MED19: variants seen among roughly 807,000 people sequenced by gnomAD.
MED19 encodes the protein mediator complex subunit 19.
Under a neutral mutation model 19.9 loss-of-function variants are expected in MED19, and 4 were observed. That is an observed-to-expected ratio of 0.20 (90% CI 0.10 to 0.46). The LOEUF is 0.46. MED19 is among the 20% of genes least tolerant of loss of function. The pLI is 0.99. For missense variants in MED19, 303 were observed against 318.7 expected (o/e 0.95, Z 0.38); for synonymous variants, 139 against 119.6 (o/e 1.16, Z -1.06).
At chr11:57,705,896 A>G (rs1946502850) in intron 1 of MED19, among the ~76,000 whole-genome samples, 1 of 152,102 alleles carries the variant, frequency 6.6e-6, no homozygotes, top group African/African-American at 2.4e-5. Flanking sequence ...GAAAAATTAT[A>G]TTCTCTGACA....
intron 1 of MED19, among the ~76,000 whole-genome samples, chr11:57,706,872 T>C (rs969115629): frequency 6.6e-6 from 1 of 152,170 alleles, no homozygotes; most frequent in South Asian, 2.1e-4. Flanking sequence ...CATAATTTTC[T>C]CCCAAGGTTC....
intron 4 of MED19, 76 bp from the exon 5 acceptor site, chr11:57,704,182 G>A: frequency 6.5e-7 from 1 of 1,529,380 alleles, no homozygotes; most frequent in East Asian, 2.4e-5. Context: ...GGAGAAACCT[G>A]CAACCTGCCT....
At chr11:57,708,254 G>C (rs911896666) in intron 1 of MED19, among the ~76,000 whole-genome samples, 11 of 152,074 alleles carry the variant, frequency 7.2e-5, no homozygotes, top group Admixed American at 7.2e-4. Flanking sequence ...GTACTCCTCA[G>C]TTCACAAATC....
Position 57,704,747 on chromosome 11 carries a change from CTGTT to C in MED19, c.539_542del (p.Lys180ArgfsTer112). Reference sequence around the variant, plus strand: ...GGGGGACAGGATCCTGGGTACGGCTCTGTTTGTGCTTGTGCTTATTCTTCTTCTT... The same window carrying C: ...GGGGGACAGGATCCTGGGTACGGCTCTGTGCTTGTGCTTATTCTTCTTCTT... On this transcript the variant is annotated frameshift_variant, in exon 3 of 5. Transcript: ENST00000431606. LOFTEE classifies it high-confidence loss of function. 1 of 1,554,964 alleles carries C rather than the reference CTGTT, an allele frequency of 6.4e-7. No homozygotes were observed. The highest frequency in any genetic ancestry group is 8.7e-7 in the Non-Finnish European group (1 of 1,150,036).
chr11:57,708,460 T>C (rs1946531702), intron 1 of MED19, among the ~76,000 whole-genome samples: 1 of 152,162 alleles, frequency 6.6e-6, no homozygotes, highest in South Asian at 2.1e-4. Context: ...CTTAGGAAAA[T>C]TCTTCCTAAT....
At position 57,703,777 on chromosome 11, in the gene MED19, T is replaced by C. The variant is rs947887; in HGVS notation, c.*261A>G. 6 of 432,930 alleles carry C rather than the reference T, an allele frequency of 1.4e-5. 1 individual carries two copies. The Admixed American group carries it at 2.0e-4, about 14-fold the overall frequency. 26.8% of individuals were successfully genotyped at this position (432,930 alleles called of 1,614,324 possible). The stretch of plus-strand genomic sequence containing the variant: ...AGAACAAGTCCTAAATCAGACAAAT[T>C]GCACAAAAGAGAGAGAAGAAAATTG... On this transcript the variant is annotated 3_prime_UTR_variant, in exon 5 of 5. Transcript: ENST00000431606.
chr11:57,705,447 C>T (rs915726051), intron 1 of MED19, among the ~76,000 whole-genome samples: 2 of 151,948 alleles, frequency 1.3e-5, no homozygotes, highest in African/African-American at 4.8e-5. Context: ...GTCAGGAGAT[C>T]GAGACCATCC....
chr11:57,705,897 TTC>T (rs1946502918), intron 1 of MED19, among the ~76,000 whole-genome samples: 1 of 152,144 alleles, frequency 6.6e-6, no homozygotes, highest in Non-Finnish European at 1.5e-5. Context: ...AAAAATTATA[TTC>T]TCTGACACAG....
At chr11:57,706,224 T>G (rs1208682221) in intron 1 of MED19, among the ~76,000 whole-genome samples, 3 of 152,098 alleles carry the variant, frequency 2.0e-5, no homozygotes, top group African/African-American at 7.2e-5. Flanking sequence ...CTTGGCTCAC[T>G]GCAACCTCCG....
exon 2 of MED19, chr11:57,705,090 A>C (rs758500862): frequency 6.2e-7 from 1 of 1,614,204 alleles, no homozygotes; most frequent in Non-Finnish European, 8.5e-7. Context: ...CATGGGAACC[A>C]GGCAGATCAA....
chr11:57,704,405 G>A lies in MED19; in HGVS notation c.572-9C>T, dbSNP rs924989184. ...TGAATCAGATGGTGTTTCTGTAGGA[G>A]ACATTAGGTACCTATCACCTGTAAA... On this transcript the variant is annotated splice_polypyrimidine_tract_variant and intron_variant, in intron 3 of 4. Transcript: ENST00000431606. 3 of 1,537,648 alleles carry A rather than the reference G, an allele frequency of 2.0e-6. No individual in the cohort carries two copies. The African/African-American group carries it at 4.1e-5, about 21-fold the overall frequency.
chr11:57,705,545 T>G (rs1946499615), intron 1 of MED19, among the ~76,000 whole-genome samples: 1 of 151,156 alleles, frequency 6.6e-6, no homozygotes. Context: ...TCCCAACTAC[T>G]CAGGAGGCTG....
At chr11:57,710,517 C>T (rs1209542951) in intron 1 of MED19, among the ~76,000 whole-genome samples, 5 of 152,092 alleles carry the variant, frequency 3.3e-5, no homozygotes, top group Admixed American at 6.6e-5. Context: ...ATTTTCTGTC[C>T]CTCAGATATT....
At chr11:57,710,813 A>G (rs1203641554) in intron 1 of MED19, among the ~76,000 whole-genome samples, 1 of 151,846 alleles carries the variant, frequency 6.6e-6, no homozygotes, top group Non-Finnish European at 1.5e-5. Flanking sequence ...CTCCTCCCTT[A>G]GCCTCCTGAG....
Position 57,711,415 on chromosome 11 carries a change from C to A in MED19, c.217+548G>T, listed in dbSNP as rs1045922521. On this transcript the variant is annotated intron_variant, in intron 1 of 4. Transcript: ENST00000431606. ...TCGCCCAGGCTGGAGTGCAGTGGAG[C>A]AATGTCGGCTCTCTGCAACCTCCGC... 2.6e-5 allele frequency among the ~76,000 whole-genome samples: 4 copies of A among 152,312 alleles called. No individual in the cohort carries two copies. In the East Asian group the frequency reaches 7.7e-4, roughly 29 times the overall value.
At chr11:57,712,013 T>A (rs1946633207) in exon 1 of MED19, 1 of 1,531,848 alleles carries the variant, frequency 6.5e-7, no homozygotes, top group African/African-American at 1.4e-5. Context: ...TCCTGACTTG[T>A]CCGCGCCAGG....
intron 3 of MED19, 160 bp downstream of exon 3, chr11:57,704,559 G>T: frequency 2.5e-6 from 4 of 1,589,434 alleles, no homozygotes; most frequent in Non-Finnish European, 3.4e-6. Flanking sequence ...CAAGTCCCAA[G>T]AGACCACAGT....
chr11:57,704,030 T>G (rs1309715805), exon 5 of MED19: 1 of 1,536,088 alleles, frequency 6.5e-7, no homozygotes, highest in Non-Finnish European at 8.7e-7. Flanking sequence ...AAGAGTCCAG[T>G]GGTCCTATTA....
chr11:57,704,116 AAAG>A lies in MED19; in HGVS notation c.667-13_667-11del, dbSNP rs1367165625. 2 of 1,536,120 alleles carry A rather than the reference AAAG, an allele frequency of 1.3e-6. No individual in the cohort carries two copies. The highest frequency in any genetic ancestry group is 3.9e-5 in the Admixed American group (2 of 50,992). ...CTGGACTATGTCGATTCTGGGGGAG[AAAG>A]AAGCAGGGTAAGAACAACTAGGAAC... On this transcript the variant is annotated splice_polypyrimidine_tract_variant and intron_variant, in intron 4 of 4. Transcript: ENST00000431606.
Sources: gnomAD v4.1 joint callset for allele counts (sites outside exome capture counted in the v4.1 genomes callset) on GRCh38, gnomAD v4.1.1 for gene constraint, MANE v1.5 for transcripts, NCBI Gene and HGNC (gene_info 2026-07-23, HGNC 2026-07-21) for gene names.